The following HYDIN variants were observed in gnomAD, a reference collection of about 807,000 sequenced individuals.
HYDIN encodes the protein axonemal central pair apparatus protein HYDIN.
Under a neutral mutation model 403.9 loss-of-function variants are expected in HYDIN, and 132 were observed. The ratio of observed to expected loss-of-function variants is 0.33; its 90% CI spans 0.28 to 0.38. HYDIN has a LOEUF of 0.38. Among genes scored for constraint, HYDIN ranks in the 10% least tolerant of loss-of-function variants. The pLI, the probability that HYDIN is intolerant of heterozygous loss-of-function variation, is 1.00. For missense variants in HYDIN, 2,827 were observed against 5,009.5 expected, an observed-to-expected ratio of 0.56 and a Z score of 13.15; for synonymous variants, 1,202 against 1,891.7, an observed-to-expected ratio of 0.64 and a Z score of 9.46.
At chr16:71,042,926 CCT>C (rs1220751317) in intron 18 of HYDIN, among the ~76,000 whole-genome samples, 11 of 151,468 alleles carry the variant, frequency 7.3e-5, no homozygotes, top group Non-Finnish European at 1.2e-4. Context: ...TGTTTGAGCC[CCT>C]GTTTGCTGAA....
At chr16:71,158,798 T>A (rs1253328542) in intron 6 of HYDIN, among the ~76,000 whole-genome samples, 2 of 151,216 alleles carry the variant, frequency 1.3e-5, no homozygotes, top group African/African-American at 4.9e-5. Context: ...CCTCTTACCT[T>A]GGCCTCCCAA....
chr16:70,908,858 G>T lies in HYDIN; in HGVS notation c.8008C>A (p.Gln2670Lys). 6.2e-7 allele frequency: 1 copy of T among 1,609,794 alleles called. No individual in the cohort carries two copies. The highest frequency in any genetic ancestry group is 8.5e-7 in the Non-Finnish European group (1 of 1,178,946). The change falls in exon 48 of 86, where the codon CAA (glutamine) becomes AAA (lysine). Residue 2670 changes from glutamine to lysine, a missense_variant. By Grantham distance (53) the Gln-to-Lys change is moderately conservative. Transcript: ENST00000393567. The stretch of plus-strand genomic sequence containing the variant: ...TTAGATGAGCTGGTCTGCTCCTCTT[G>T]AGCCTTAATTAAAAACGAGCATGAG... ...FLATTNTTKA[Q>K]EEQTSSSKGG...
intron 71 of HYDIN, 138 bp downstream of exon 71, chr16:70,859,930 A>G: frequency 1.6e-6 from 1 of 641,364 alleles, no homozygotes; most frequent in Non-Finnish European, 2.7e-6. Flanking sequence ...GCAGCCATTC[A>G]CTAAATACTT....
intron 1 of HYDIN, among the ~76,000 whole-genome samples, chr16:71,191,759 G>A (rs556790753): frequency 1.1e-4 from 16 of 152,100 alleles, no homozygotes; most frequent in African/African-American, 2.2e-4. Context: ...CAGCTCCACC[G>A]ACCCAGCTGC....
intron 47 of HYDIN, among the ~76,000 whole-genome samples, chr16:70,913,104 G>A (rs1454581591): frequency 2.7e-5 from 4 of 150,668 alleles, no homozygotes; most frequent in South Asian, 2.1e-4. Context: ...TTTATCTTTC[G>A]TATTGCTTTT....
intron 1 of HYDIN, among the ~76,000 whole-genome samples, chr16:71,206,700 C>T (rs879312661): frequency 1.3e-5 from 2 of 152,122 alleles, no homozygotes; most frequent in African/African-American, 4.8e-5. Context: ...ACAGAGCTGA[C>T]ACACAAAATA....
intron 18 of HYDIN, among the ~76,000 whole-genome samples, chr16:71,050,384 C>A (rs1428898819): frequency 1.6e-5 from 2 of 126,194 alleles, no homozygotes; most frequent in Admixed American, 1.5e-4. Flanking sequence ...AACTACAGAT[C>A]TCTAGCATTA....
At chr16:71,140,029 T>C (rs553349127) in intron 7 of HYDIN, among the ~76,000 whole-genome samples, 10 of 150,654 alleles carry the variant, frequency 6.6e-5, no homozygotes, top group African/African-American at 2.4e-4. Context: ...GTTTCCACAC[T>C]TGGAATTACA....
chr16:71,203,375 A>G (rs2088122256), intron 1 of HYDIN, among the ~76,000 whole-genome samples: 1 of 152,202 alleles, frequency 6.6e-6, no homozygotes, highest in Admixed American at 6.5e-5. Context: ...TATGACAATT[A>G]CTATATTTGT....
intron 11 of HYDIN, chr16:71,090,357 G>C (rs1311902974): frequency 6.9e-6 from 1 of 144,270 alleles, no homozygotes; most frequent in African/African-American, 2.7e-5. Flanking sequence ...CTGTGCTCCA[G>C]TTTCCCCATG....
rs2035166278 is a variant in HYDIN at position 70,807,566 on chromosome 16, A to G, written c.*14T>C. ...TGCATAGCTTTTGGTTGATACAGGT[A>G]ACCCTGGTTACCACTAAAGGGTGAT... On this transcript the variant is annotated 3_prime_UTR_variant, in exon 86 of 86. Coordinates refer to ENST00000393567, the MANE Select transcript of HYDIN (RefSeq NM_001270974.2). 1 of 1,592,908 alleles carries G rather than the reference A, an allele frequency of 6.3e-7. No homozygotes were observed. Among genetic ancestry groups the G allele is most frequent in the African/African-American group, 1.3e-5 (1 of 74,434 alleles).
chr16:70,886,527 G>C (rs1165359757), intron 58 of HYDIN, among the ~76,000 whole-genome samples: 2 of 152,044 alleles, frequency 1.3e-5, no homozygotes, highest in Non-Finnish European at 2.9e-5. Flanking sequence ...CTTCCTTGTT[G>C]ATGTCCCATG....
At chr16:71,066,492 G>T (rs1436841550) in intron 15 of HYDIN, 1 of 160,840 alleles carries the variant, frequency 6.2e-6, no homozygotes. Flanking sequence ...ATATTAGCAT[G>T]ATTATCAGTT....
Position 70,920,880 on chromosome 16 carries a change from T to C in HYDIN, c.7496A>G (p.Gln2499Arg). The C allele has an allele frequency of 6.2e-7, 1 of 1,609,350 alleles. No individual in the cohort carries two copies. The highest frequency in any genetic ancestry group is 8.5e-7 in the Non-Finnish European group (1 of 1,177,476). ...GCCCCTGCGCCCACCCAAGGGGACC[T>C]GGCGCTGGTCGTCGGGCTCATGGGG... ...EAPHEPDDQR[Q>R]VPLGGRRGRK... Residue 2499 changes from glutamine to arginine, a missense_variant, in exon 46 of 86, where the codon CAG (glutamine) becomes CGG (arginine). By Grantham distance (43) the Gln-to-Arg change is conservative. Coordinates refer to ENST00000393567, the MANE Select transcript of HYDIN (RefSeq NM_001270974.2).
chr16:71,212,567 T>G (rs1323458353), intron 1 of HYDIN, among the ~76,000 whole-genome samples: 2 of 152,256 alleles, frequency 1.3e-5, no homozygotes, highest in South Asian at 2.1e-4. Context: ...ATTTAGATAT[T>G]CCATGTAAGT....
intron 5 of HYDIN, among the ~76,000 whole-genome samples, chr16:71,174,147 G>A (rs969918093): frequency 1.3e-5 from 2 of 151,716 alleles, no homozygotes; most frequent in East Asian, 3.8e-4. Flanking sequence ...AAACAAAATT[G>A]TAGTTTCCTA....
At chr16:70,810,582 A>G (rs559962652) in intron 84 of HYDIN, among the ~76,000 whole-genome samples, 1 of 152,216 alleles carries the variant, frequency 6.6e-6, no homozygotes, top group Non-Finnish European at 1.5e-5. Flanking sequence ...CTGTAATCCT[A>G]GCACTTTGGG....
Position 70,965,181 on chromosome 16 carries a change from C to T in HYDIN, c.5620-285G>A, listed in dbSNP as rs544078149. Among the ~76,000 whole-genome samples the T allele has an allele frequency of 2.6e-5, 4 of 152,272 alleles. No homozygotes were observed. In the South Asian group the frequency reaches 8.3e-4, roughly 32 times the overall value. The stretch of plus-strand genomic sequence containing the variant: ...TCTTGTTTTAAAACTAATATACACT[C>T]TTTTCCTTTCTTCCCCATGACAAAA... On this transcript the variant is annotated intron_variant, in intron 36 of 85. Transcript: ENST00000393567.
At chr16:70,966,951 C>T (rs1196759033) in intron 36 of HYDIN, among the ~76,000 whole-genome samples, 1 of 150,094 alleles carries the variant, frequency 6.7e-6, no homozygotes, top group East Asian at 2.0e-4. Flanking sequence ...AGATAAAATA[C>T]AAGTAGGAAA....
Sources: allele counts gnomAD v4.1 joint callset (sites outside exome capture counted in the v4.1 genomes callset), GRCh38; gene constraint gnomAD v4.1.1; transcripts MANE v1.5; gene names NCBI Gene and HGNC (gene_info 2026-07-23, HGNC 2026-07-21).